The following GRIK2 variants were observed in gnomAD, a reference collection of about 807,000 sequenced individuals.
GRIK2 encodes glutamate receptor ionotropic, kainate 2.
A neutral mutation model predicts 100.3 loss-of-function variants in GRIK2; 32 were observed. That is an observed-to-expected ratio of 0.32 (90% CI 0.24 to 0.43). The LOEUF is 0.43. Ranked by LOEUF, GRIK2 falls within the 20% of genes least tolerant of loss-of-function variation. The probability of loss-of-function intolerance (pLI) is 1.00; values close to 1 mark genes in which losing one functional copy is unlikely to be tolerated. For synonymous variants in GRIK2, 417 were observed against 389.4 expected, an observed-to-expected ratio of 1.07 and a Z score of -0.83; for missense variants, 843 against 1,114.9, an observed-to-expected ratio of 0.76 and a Z score of 3.47.
At chr6:102,051,901 T>G (rs1771219033) in intron 15 of GRIK2, among the ~76,000 whole-genome samples, 1 of 152,188 alleles carries the variant, frequency 6.6e-6, no homozygotes, top group African/African-American at 2.4e-5. Context: ...CCTTACAGTG[T>G]GACTCCTGAG....
intron 2 of GRIK2, among the ~76,000 whole-genome samples, chr6:101,612,591 T>C (rs954889776): frequency 1.3e-5 from 2 of 151,766 alleles, no homozygotes; most frequent in Non-Finnish European, 2.9e-5. Context: ...GTCTGGAACA[T>C]TGAGCACATA....
intron 14 of GRIK2, among the ~76,000 whole-genome samples, chr6:102,010,883 T>C (rs1010637277): frequency 1.3e-5 from 2 of 152,144 alleles, no homozygotes; most frequent in African/African-American, 2.4e-5. Context: ...TTTTAATAAA[T>C]AGTACTTATT....
At chr6:101,997,319 A>T in intron 14 of GRIK2, among the ~76,000 whole-genome samples, 1 of 152,078 alleles carries the variant, frequency 6.6e-6, no homozygotes, top group East Asian at 1.9e-4. Flanking sequence ...TGCCCCCACT[A>T]TCTTTACGTA....
chr6:101,629,800 A>G (rs959436225), intron 4 of GRIK2, among the ~76,000 whole-genome samples: 2 of 152,036 alleles, frequency 1.3e-5, no homozygotes, highest in Non-Finnish European at 2.9e-5. Context: ...CATTGGGTAC[A>G]ACTGAACCAA....
chr6:101,456,486 G>C (rs1437591239), intron 2 of GRIK2, among the ~76,000 whole-genome samples: 5 of 151,944 alleles, frequency 3.3e-5, no homozygotes, highest in East Asian at 1.9e-4. Flanking sequence ...AAGGAGAGTA[G>C]TAATTTAGTA....
At chr6:101,908,290 G>C (rs1390998900) in intron 12 of GRIK2, among the ~76,000 whole-genome samples, 1 of 6,144 alleles carries the variant, frequency 1.6e-4, no homozygotes, top group African/African-American at 8.5e-4. Flanking sequence ...TTTGCCAAAA[G>C]TACATTAAAA....
chr6:102,008,504 G>A (rs1405249068), intron 14 of GRIK2, among the ~76,000 whole-genome samples: 20 of 151,922 alleles, frequency 1.3e-4, no homozygotes. Flanking sequence ...CAAGAGGTAA[G>A]CACAAATTAC....
chr6:101,764,119 C>T (rs1777898081), intron 7 of GRIK2, among the ~76,000 whole-genome samples: 5 of 152,134 alleles, frequency 3.3e-5, no homozygotes. Flanking sequence ...TCTCTTCCTT[C>T]ATCACTTATA....
chr6:101,513,442 G>A (rs1774421436), intron 2 of GRIK2, among the ~76,000 whole-genome samples: 1 of 152,084 alleles, frequency 6.6e-6, no homozygotes, highest in Non-Finnish European at 1.5e-5. Flanking sequence ...TTTAGGATTG[G>A]GAGTGTCTGG....
At chr6:101,887,559 T>A (rs1786741873) in intron 11 of GRIK2, among the ~76,000 whole-genome samples, 1 of 152,140 alleles carries the variant, frequency 6.6e-6, no homozygotes, top group African/African-American at 2.4e-5. Context: ...CTCACACTGC[T>A]ATAAAGAACT....
chr6:101,826,233 A>C (rs1446481427), intron 10 of GRIK2, among the ~76,000 whole-genome samples: 1 of 152,078 alleles, frequency 6.6e-6, no homozygotes, highest in African/African-American at 2.4e-5. Context: ...CATGGGTACT[A>C]CTGAATGGGT....
intron 2 of GRIK2, among the ~76,000 whole-genome samples, chr6:101,565,142 A>G (rs1777192135): frequency 6.6e-6 from 1 of 152,136 alleles, no homozygotes; most frequent in South Asian, 2.1e-4. Flanking sequence ...GGTCTGAAAC[A>G]TCTGCACTTG....
chr6:101,419,196 G>T (rs903413726), intron 2 of GRIK2, among the ~76,000 whole-genome samples: 5 of 152,088 alleles, frequency 3.3e-5, no homozygotes, highest in South Asian at 2.1e-4. Context: ...CCTGTCACAT[G>T]ATCTATTCTC....
intron 2 of GRIK2, among the ~76,000 whole-genome samples, chr6:101,510,352 G>A (rs1048950920): frequency 1.1e-4 from 17 of 151,970 alleles, no homozygotes; most frequent in African/African-American, 4.1e-4. Flanking sequence ...GGCTTCTGGT[G>A]GTCATGGTTG....
chr6:101,542,631 G>A (rs1363142177), intron 2 of GRIK2, among the ~76,000 whole-genome samples: 3 of 152,020 alleles, frequency 2.0e-5, no homozygotes. Context: ...AAACATTACC[G>A]AGTTAGCAAT....
At chr6:101,688,613 A>C (rs965640227) in intron 7 of GRIK2, among the ~76,000 whole-genome samples, 6 of 152,042 alleles carry the variant, frequency 3.9e-5, no homozygotes, top group South Asian at 2.1e-4. Context: ...TTCCCTGTTG[A>C]ACTGGCAGAT....
At chr6:101,841,732 T>C (rs1783518179) in intron 10 of GRIK2, among the ~76,000 whole-genome samples, 1 of 152,230 alleles carries the variant, frequency 6.6e-6, no homozygotes, top group Middle Eastern at 3.4e-3. Context: ...TGGAAAACAA[T>C]AAGTTAGACT....
At chr6:101,683,450 G>A (rs1010918909) in intron 6 of GRIK2, among the ~76,000 whole-genome samples, 3 of 151,912 alleles carry the variant, frequency 2.0e-5, no homozygotes, top group Non-Finnish European at 4.4e-5. Context: ...CCCTTATAAT[G>A]TATGAAAATC....
At chr6:101,603,063 A>T (rs933217142) in intron 2 of GRIK2, among the ~76,000 whole-genome samples, 1 of 151,682 alleles carries the variant, frequency 6.6e-6, no homozygotes, top group African/African-American at 2.4e-5. Context: ...CCAAATTATT[A>T]TTTTAATATA....
Sources: allele counts gnomAD v4.1 joint callset (sites outside exome capture counted in the v4.1 genomes callset), GRCh38; gene constraint gnomAD v4.1.1; transcripts MANE v1.5; gene names NCBI Gene and HGNC (gene_info 2026-07-23, HGNC 2026-07-21).